The following MAST2 variants were observed in gnomAD, a reference collection of about 807,000 sequenced individuals.
MAST2 encodes microtubule associated serine/threonine kinase 2.
MAST2 carries 70 observed loss-of-function variants against 147.4 expected under a neutral mutation model. The ratio of observed to expected loss-of-function variants is 0.47; its 90% CI spans 0.39 to 0.58. The LOEUF is 0.58. MAST2 is among the 20% of genes least tolerant of loss of function. MAST2 has a pLI of 0.00. For missense variants in MAST2, 2,080 were observed against 2,302.3 expected (o/e 0.90, Z 1.98); for synonymous variants, 869 against 896.8 (o/e 0.97, Z 0.55).
intron 4 of MAST2, among the ~76,000 whole-genome samples, chr1:45,898,877 A>G (rs554492970): frequency 5.3e-5 from 8 of 152,258 alleles, no homozygotes; most frequent in Middle Eastern, 3.4e-3. Flanking sequence ...TGGGATGTCT[A>G]CTTATCCATC....
In MAST2 at chr1:46,023,677, A is replaced by G; in HGVS notation, c.1572-95A>G. Reference sequence around the variant, plus strand: ...ATGCCCTTGCCCCCTTGTTCTGTGCATTAATTAAGGTGTGAGAGAAGGCAG... The same window carrying G: ...ATGCCCTTGCCCCCTTGTTCTGTGCGTTAATTAAGGTGTGAGAGAAGGCAG... On this transcript the variant is annotated intron_variant, in intron 14 of 28. Transcript: ENST00000361297. This position sits in a 1 kb window ranked among gnomAD's most constrained non-coding sequence, Gnocchi z 4.9. 2.7e-6 allele frequency: 3 copies of G among 1,111,466 alleles called. No homozygotes were observed. The highest frequency in any genetic ancestry group is 3.9e-6 in the Non-Finnish European group (3 of 759,826). 68.9% of individuals were successfully genotyped at this position (1,111,466 alleles called of 1,614,324 possible).
At chr1:46,004,399 C>T (rs1405128025) in intron 7 of MAST2, among the ~76,000 whole-genome samples, 2 of 149,738 alleles carry the variant, frequency 1.3e-5, no homozygotes, top group Admixed American at 6.7e-5. Context: ...TTTCCCATAA[C>T]TCTTCACTCA....
At chr1:45,814,711 C>T (rs772301143) in intron 1 of MAST2, among the ~76,000 whole-genome samples, 4 of 152,074 alleles carry the variant, frequency 2.6e-5, no homozygotes, top group Middle Eastern at 3.2e-3. Context: ...TGCTTGAACC[C>T]GGGAGTTGGA....
At chr1:45,961,852 A>G (rs1020021639) in intron 5 of MAST2, among the ~76,000 whole-genome samples, 2 of 152,072 alleles carry the variant, frequency 1.3e-5, no homozygotes, top group African/African-American at 4.8e-5. Context: ...TAGATGTGCC[A>G]TGTTGGTGTG....
At chr1:45,994,108 G>A (rs1644955958) in intron 5 of MAST2, among the ~76,000 whole-genome samples, 1 of 151,958 alleles carries the variant, frequency 6.6e-6, no homozygotes, top group African/African-American at 2.4e-5. Flanking sequence ...TTATTATTAA[G>A]CAGGGAAGCT....
intron 6 of MAST2, 77 bp downstream of exon 6, chr1:45,997,876 C>G (rs1645121148): frequency 2.5e-6 from 3 of 1,181,402 alleles, no homozygotes; most frequent in Non-Finnish European, 1.3e-6. Context: ...TCAGATTCCT[C>G]CTTTAAGTGT....
At chr1:45,817,216 T>C (rs1644484064) in intron 1 of MAST2, among the ~76,000 whole-genome samples, 1 of 152,158 alleles carries the variant, frequency 6.6e-6, no homozygotes, top group Non-Finnish European at 1.5e-5. Flanking sequence ...GATTTCTATA[T>C]TCAAGTATAA....
At chr1:45,962,837 T>C (rs573265066) in intron 5 of MAST2, among the ~76,000 whole-genome samples, 7 of 152,106 alleles carry the variant, frequency 4.6e-5, no homozygotes, top group East Asian at 1.9e-4. Context: ...AAGTCCTTGC[T>C]CATGCCTATG....
intron 10 of MAST2, among the ~76,000 whole-genome samples, chr1:46,012,889 G>A (rs991963980): frequency 1.3e-5 from 2 of 152,008 alleles, no homozygotes; most frequent in African/African-American, 4.8e-5. Flanking sequence ...GACCTCAAGT[G>A]ATCGCCCTGC....
intron 4 of MAST2, among the ~76,000 whole-genome samples, chr1:45,932,342 C>T (rs1052464841): frequency 6.6e-6 from 1 of 152,142 alleles, no homozygotes; most frequent in Non-Finnish European, 1.5e-5. Context: ...AAAGCTTTCA[C>T]CTCTCCCTAT....
At chr1:45,814,289 A>G (rs1053341903) in intron 1 of MAST2, among the ~76,000 whole-genome samples, 1 of 152,156 alleles carries the variant, frequency 6.6e-6, no homozygotes, top group Non-Finnish European at 1.5e-5. Flanking sequence ...CATTGTTACC[A>G]TAGGAGATGA....
intron 3 of MAST2, among the ~76,000 whole-genome samples, chr1:45,831,762 G>C (rs1346904140): frequency 6.8e-6 from 1 of 146,154 alleles, no homozygotes; most frequent in Non-Finnish European, 1.5e-5. Context: ...TATATGACCA[G>C]ATCTAAGAAG....
chr1:45,822,971 A>G (rs1644682747), intron 1 of MAST2, among the ~76,000 whole-genome samples: 2 of 152,102 alleles, frequency 1.3e-5, no homozygotes, highest in African/African-American at 2.4e-5. Flanking sequence ...GGACACATCA[A>G]TTGTTTGATT....
chr1:45,972,146 C>T (rs934222237), intron 5 of MAST2, among the ~76,000 whole-genome samples: 8 of 152,170 alleles, frequency 5.3e-5, no homozygotes, highest in Non-Finnish European at 8.8e-5. Flanking sequence ...CCACAGACCT[C>T]GGCCCACTGC....
At chr1:46,029,111 CTG>C in intron 18 of MAST2, 178 bp downstream of exon 18, 1 of 671,954 alleles carries the variant, frequency 1.5e-6, no homozygotes, top group Non-Finnish European at 2.5e-6. Context: ...CATGTGCACA[CTG>C]TGTCCCTTGG....
Position 45,987,915 on chromosome 1 carries a change from C to A in MAST2, c.593-9809C>A, listed in dbSNP as rs139192512. On this transcript the variant is annotated intron_variant, in intron 5 of 28. Coordinates refer to ENST00000361297, the MANE Select transcript of MAST2 (RefSeq NM_015112.3). ...GTCTCTCAAAGTGCTGGGAGTTAGT[C>A]TTTCCTTTCTAATATAGTGTAGTGA... Among the ~76,000 whole-genome samples, 124 of 149,550 alleles carry A rather than the reference C, an allele frequency of 8.3e-4. 1 individual carries two copies. The highest frequency in any genetic ancestry group is 2.9e-3 in the African/African-American group (117 of 40,652).
At chr1:45,905,634 G>C (rs775197474) in intron 4 of MAST2, among the ~76,000 whole-genome samples, 2 of 152,036 alleles carry the variant, frequency 1.3e-5, no homozygotes, top group Non-Finnish European at 2.9e-5. Flanking sequence ...AAATTAGCTG[G>C]GCATGGTGGC....
chr1:45,817,109 A>G (rs1644479941), intron 1 of MAST2, among the ~76,000 whole-genome samples: 1 of 152,240 alleles, frequency 6.6e-6, no homozygotes, highest in African/African-American at 2.4e-5. Context: ...CCAAAAGGCA[A>G]ATCTAAGCGT....
intron 4 of MAST2, among the ~76,000 whole-genome samples, chr1:45,935,038 T>A (rs139066037): frequency 6.6e-6 from 1 of 152,376 alleles, no homozygotes; most frequent in African/African-American, 2.4e-5. Context: ...AGAATTTCCT[T>A]TTGTCTGCAG....
Sources: allele counts gnomAD v4.1 joint callset (sites outside exome capture counted in the v4.1 genomes callset), GRCh38; gene constraint gnomAD v4.1.1; non-coding constraint Gnocchi (gnomAD v3.1); transcripts MANE v1.5; gene names NCBI Gene and HGNC (gene_info 2026-07-23, HGNC 2026-07-21).